The following NCKAP5 variants were observed in gnomAD, a reference collection of about 807,000 sequenced individuals.
The protein encoded by NCKAP5 is NCK associated protein 5, also known as nck-associated protein 5.
NCKAP5 carries 92 observed loss-of-function variants against 167.0 expected under a neutral mutation model. The observed-to-expected ratio is 0.55, with a 90% CI of 0.47 to 0.66. The LOEUF is 0.66. NCKAP5 is among the 30% of genes least tolerant of loss of function. The probability of loss-of-function intolerance (pLI) is 0.00; values close to 1 mark genes in which losing one functional copy is unlikely to be tolerated. For missense variants in NCKAP5, 2,378 were observed against 2,315.0 expected (o/e 1.03, Z -0.56); for synonymous variants, 891 against 877.4 (o/e 1.02, Z -0.27).
At chr2:133,285,630 A>G (rs1679061815) in intron 4 of NCKAP5, among the ~76,000 whole-genome samples, 1 of 152,154 alleles carries the variant, frequency 6.6e-6, no homozygotes, top group Admixed American at 6.5e-5. Flanking sequence ...TCAAAAAGCA[A>G]TGTCTTCCTT....
At chr2:133,212,646 G>A (rs2086260162) in intron 5 of NCKAP5, among the ~76,000 whole-genome samples, 1 of 152,184 alleles carries the variant, frequency 6.6e-6, no homozygotes, top group Admixed American at 6.5e-5. Flanking sequence ...GAGATAACAG[G>A]CGTGAGCCAC....
intron 3 of NCKAP5, among the ~76,000 whole-genome samples, chr2:133,365,864 A>T (rs1685425478): frequency 6.6e-6 from 1 of 152,220 alleles, no homozygotes; most frequent in Non-Finnish European, 1.5e-5. Context: ...TCCACTGTAC[A>T]ATTCAGTCCT....
At chr2:132,702,961 T>C (rs1201009098) in intron 19 of NCKAP5, among the ~76,000 whole-genome samples, 2 of 152,118 alleles carry the variant, frequency 1.3e-5, no homozygotes, top group South Asian at 2.1e-4. Flanking sequence ...GAAGGATCTC[T>C]TGAGGGTAGA....
At chr2:133,425,908 G>A (rs1043713073) in intron 3 of NCKAP5, among the ~76,000 whole-genome samples, 14 of 152,046 alleles carry the variant, frequency 9.2e-5, no homozygotes, top group Non-Finnish European at 1.5e-5. Flanking sequence ...AGTGAACGAG[G>A]AAAAGGCAAA....
At chr2:133,051,768 T>C (rs1232744725) in intron 6 of NCKAP5, among the ~76,000 whole-genome samples, 1 of 152,246 alleles carries the variant, frequency 6.6e-6, no homozygotes, top group African/African-American at 2.4e-5. Flanking sequence ...TCCCATAAGT[T>C]ACTATCAAAA....
At chr2:133,153,632 A>G (rs1015096581) in intron 5 of NCKAP5, among the ~76,000 whole-genome samples, 3 of 151,930 alleles carry the variant, frequency 2.0e-5, no homozygotes, top group Non-Finnish European at 2.9e-5. Context: ...ATACAACATA[A>G]AGCCCTCACC....
At chr2:132,724,622 A>G (rs760474571) in intron 19 of NCKAP5, among the ~76,000 whole-genome samples, 1 of 152,184 alleles carries the variant, frequency 6.6e-6, no homozygotes. Context: ...AGGGACACCA[A>G]TGAACCACAA....
At chr2:133,370,587 G>A (rs2289076) in intron 3 of NCKAP5, among the ~76,000 whole-genome samples, 36,585 of 151,920 alleles carry the variant, frequency 0.24, 4,437 homozygotes, top group East Asian at 0.32. Flanking sequence ...AAGAAAATAA[G>A]ACCCCTTTCA....
At chr2:133,109,823 A>G (rs1310576674) in intron 6 of NCKAP5, among the ~76,000 whole-genome samples, 1 of 152,210 alleles carries the variant, frequency 6.6e-6, no homozygotes, top group Non-Finnish European at 1.5e-5. Flanking sequence ...TACATTAGGG[A>G]AAGTCCCAAA....
intron 3 of NCKAP5, among the ~76,000 whole-genome samples, chr2:133,440,281 A>G (rs1039852349): frequency 1.3e-5 from 2 of 152,186 alleles, no homozygotes; most frequent in African/African-American, 4.8e-5. Flanking sequence ...ACGTTTCCAC[A>G]TTTGTAGTAT....
At chr2:132,727,720 C>T (rs1280431408) in intron 18 of NCKAP5, among the ~76,000 whole-genome samples, 1 of 152,182 alleles carries the variant, frequency 6.6e-6, no homozygotes, top group African/African-American at 2.4e-5. Flanking sequence ...CTTCAGAGGG[C>T]CCAGTTCCAG....
At chr2:132,874,766 T>C (rs1294688959) in intron 9 of NCKAP5, among the ~76,000 whole-genome samples, 1 of 152,130 alleles carries the variant, frequency 6.6e-6, no homozygotes, top group African/African-American at 2.4e-5. Flanking sequence ...AAATTGCCAA[T>C]TTCCTGTCCC....
chr2:133,108,357 A>G (rs909505466), intron 6 of NCKAP5, among the ~76,000 whole-genome samples: 2 of 152,180 alleles, frequency 1.3e-5, no homozygotes, highest in African/African-American at 4.8e-5. Flanking sequence ...CTTTTTAATA[A>G]CAGTCTTCCA....
At chr2:132,703,401 C>T (rs998271683) in intron 19 of NCKAP5, among the ~76,000 whole-genome samples, 4 of 152,124 alleles carry the variant, frequency 2.6e-5, no homozygotes, top group Non-Finnish European at 5.9e-5. Flanking sequence ...AGCTTTATTA[C>T]TTCATGTTAG....
intron 11 of NCKAP5, among the ~76,000 whole-genome samples, chr2:132,817,385 C>A (rs893982046): frequency 3.3e-5 from 5 of 152,138 alleles, no homozygotes; most frequent in Admixed American, 6.5e-5. Flanking sequence ...CTATCAAATG[C>A]TGGTTTATCA....
At chr2:133,139,831 T>C (rs143392323) in intron 5 of NCKAP5, among the ~76,000 whole-genome samples, 16 of 152,266 alleles carry the variant, frequency 1.1e-4, no homozygotes, top group Non-Finnish European at 1.6e-4. Context: ...CTAATTCTTC[T>C]CAAGTCTTTG....
chr2:133,671,695 C>G, the NCKAP5 span, among the ~76,000 whole-genome samples: 3 of 152,052 alleles, frequency 2.0e-5, no homozygotes, highest in Admixed American at 6.6e-5. Context: ...ATAAATAAAT[C>G]TATTTTATTT....
intron 6 of NCKAP5, among the ~76,000 whole-genome samples, chr2:133,111,325 A>C (rs1426979988): frequency 6.6e-6 from 1 of 152,042 alleles, no homozygotes; most frequent in African/African-American, 2.4e-5. Context: ...ACCTCACCAA[A>C]CCCCAGGCCA....
the NCKAP5 span, among the ~76,000 whole-genome samples, chr2:133,641,523 T>A: frequency 2.6e-5 from 4 of 152,176 alleles, no homozygotes; most frequent in African/African-American, 7.2e-5. Flanking sequence ...CAGCCCAGAG[T>A]CAGGCACCAA....
Sources: gnomAD v4.1 joint callset for allele counts (sites outside exome capture counted in the v4.1 genomes callset) on GRCh38, gnomAD v4.1.1 for gene constraint, MANE v1.5 for transcripts, NCBI Gene and HGNC (gene_info 2026-07-23, HGNC 2026-07-21) for gene names.